The following CREBBP variants were observed in gnomAD, a reference collection of about 807,000 sequenced individuals.
CREBBP encodes the protein CREB binding lysine acetyltransferase.
Under a neutral mutation model 265.0 loss-of-function variants are expected in CREBBP, and 19 were observed. That is an observed-to-expected ratio of 0.07 (90% CI 0.05 to 0.11). The LOEUF (loss-of-function observed/expected upper bound fraction) is 0.11. Ranked by LOEUF, CREBBP falls within the 10% of genes least tolerant of loss-of-function variation. The probability of loss-of-function intolerance (pLI) is 1.00; values close to 1 mark genes in which losing one functional copy is unlikely to be tolerated. For missense variants in CREBBP, 2,525 were observed against 3,219.0 expected (o/e 0.78, Z 5.22); for synonymous variants, 1,457 against 1,223.7 (o/e 1.19, Z -3.98).
At chr16:3,749,020 G>A (rs1397033613) in intron 21 of CREBBP, among the ~76,000 whole-genome samples, 2 of 152,152 alleles carry the variant, frequency 1.3e-5, no homozygotes, top group Non-Finnish European at 2.9e-5. Flanking sequence ...GGTGGTGGGC[G>A]CCTGTAGTCC....
At position 3,727,689 on chromosome 16, in the gene CREBBP, G is replaced by GA. The variant is rs142721165; in HGVS notation, c.*28dup. 1.9e-5 allele frequency: 31 copies of GA among 1,613,688 alleles called. No homozygotes were observed. Among genetic ancestry groups the GA allele is most frequent in the Non-Finnish European group, 2.5e-5 (29 of 1,179,988 alleles). ...TTCAGTACAAAAGGTCCAAGAACAT[G>GA]AAAGGGAAAAGGTGATGCTCTCACA... On this transcript the variant is annotated 3_prime_UTR_variant, in exon 31 of 31. Transcript: ENST00000262367.
intron 2 of CREBBP, among the ~76,000 whole-genome samples, chr16:3,844,311 A>G (rs1335788575): frequency 1.3e-5 from 2 of 152,212 alleles, no homozygotes; most frequent in Non-Finnish European, 2.9e-5. Flanking sequence ...ATTAAAACTC[A>G]GCATTAACTT....
rs2051784533 is a variant in CREBBP, at chr16:3,727,768, C to T, written c.7279G>A (p.Val2427Ile). 2.5e-6 allele frequency: 4 copies of T among 1,614,016 alleles called. No individual in the cohort carries two copies. Among genetic ancestry groups the T allele is most frequent in the Non-Finnish European group, 3.4e-6 (4 of 1,180,040 alleles). ...AGCGTGTCCCCCGTGGTGTCCCCGA[C>T]CAGGGACAGTTCGCTGGACAGCGCA... The part of the protein sequence containing the change: ...RSALSSELSL[V>I]GDTTGDTLEK... Residue 2427 changes from valine (V) to isoleucine (I), a missense_variant, in exon 31 of 31, where the codon GTC becomes ATC. Transcript: ENST00000262367.
At chr16:3,821,749 G>C (rs2054144708) in intron 2 of CREBBP, among the ~76,000 whole-genome samples, 1 of 152,204 alleles carries the variant, frequency 6.6e-6, no homozygotes, top group Non-Finnish European at 1.5e-5. Flanking sequence ...CTGAATCTTG[G>C]CTGGGCGTGG....
At chr16:3,763,815 G>C (rs1434874687) in intron 16 of CREBBP, among the ~76,000 whole-genome samples, 2 of 150,454 alleles carry the variant, frequency 1.3e-5, no homozygotes, top group Non-Finnish European at 2.9e-5. Flanking sequence ...CACTATGTTG[G>C]ACATCTGCAC....
chr16:3,851,888 A>G (rs2054848390), intron 1 of CREBBP, among the ~76,000 whole-genome samples: 1 of 133,656 alleles, frequency 7.5e-6, no homozygotes, highest in Non-Finnish European at 1.6e-5. Flanking sequence ...AAGACAAAAC[A>G]TTAGCCGGGC....
chr16:3,744,848 T>C, intron 23 of CREBBP, 46 bp downstream of exon 23: 1 of 1,416,844 alleles, frequency 7.1e-7, no homozygotes, highest in Non-Finnish European at 1.0e-6. Context: ...TTCTACAAGT[T>C]TCTAAAATGT....
rs1251027659 is a variant in CREBBP, at chr16:3,728,809, G to T, written c.6238C>A (p.Pro2080Thr). 1 of 1,613,694 alleles carries T rather than the reference G, an allele frequency of 6.2e-7. No individual in the cohort carries two copies. The highest frequency in any genetic ancestry group is 1.7e-5 in the Admixed American group (1 of 60,032). ...TTCAGCACCTGCTGTTGCTGCTGAG[G>T]GGAGCTGGGCGACTTCAGGGTCCGC... ...LLRTLKSPSS[P>T]QQQQQVLNIL... is the part of the protein sequence containing the mutation. Residue 2080 changes from proline (P) to threonine (T), a missense_variant, in exon 31 of 31, where the codon CCT becomes ACT. Transcript: ENST00000262367. This position sits in a 1 kb window ranked among gnomAD's most constrained non-coding sequence, Gnocchi z 8.7.
At chr16:3,789,709 T>TA (rs113579931) in intron 5 of CREBBP, among the ~76,000 whole-genome samples, 4,573 of 151,196 alleles carry the variant, frequency 0.03, 216 homozygotes, top group African/African-American at 0.1. Context: ...CATACTTTTG[T>TA]AAAAAAAAAC....
chr16:3,749,553 C>T lies in CREBBP; in HGVS notation c.3836+74G>A. On this transcript the variant is annotated intron_variant, in intron 21 of 30. Coordinates refer to ENST00000262367, the MANE Select transcript of CREBBP (RefSeq NM_004380.3). ...ATATTTCCAATGTTTTTACCCACAA[C>T]CCACTCCATAAGGAGTAACTTTACC... The T allele has an allele frequency of 3.1e-6, 3 of 973,256 alleles. No homozygotes were observed. In the South Asian group the frequency reaches 4.2e-5, roughly 13 times the overall value. The allele number at this position is 973,256 out of a possible 1,614,324, so 60.3% of individuals were successfully genotyped here.
chr16:3,733,895 G>T (rs1255189096), intron 28 of CREBBP, among the ~76,000 whole-genome samples: 1 of 152,210 alleles, frequency 6.6e-6, no homozygotes, highest in East Asian at 1.9e-4. Context: ...ACCTGCCTTG[G>T]CCTCTCAAAG....
In CREBBP at chr16:3,726,684, C is replaced by T. The variant is rs993320256; in HGVS notation, c.*1034G>A. 8 of 233,362 alleles carry T rather than the reference C, an allele frequency of 3.4e-5. No homozygotes were observed. Among genetic ancestry groups the T allele is most frequent in the Non-Finnish European group, 6.8e-5 (8 of 117,992 alleles). 14.5% of individuals were successfully genotyped at this position (233,362 alleles called of 1,614,324 possible). On this transcript the variant is annotated 3_prime_UTR_variant, in exon 31 of 31. Transcript: ENST00000262367. The stretch of plus-strand genomic sequence containing the variant: ...CTCAGTAATTTATATCAATTTTAAG[C>T]GGTACTTTATATACAATGGGGAAAA...
chr16:3,798,815 T>G (rs1414885817), intron 3 of CREBBP, among the ~76,000 whole-genome samples: 1 of 152,230 alleles, frequency 6.6e-6, no homozygotes, highest in Non-Finnish European at 1.5e-5. Context: ...ACATGACCTC[T>G]GCAATTCCTA....
At chr16:3,814,215 CTGTGTGTGTGTGTGTGTG>C (rs6145729) in intron 2 of CREBBP, among the ~76,000 whole-genome samples, 1,632 of 104,048 alleles carry the variant, frequency 0.016, 25 homozygotes, top group African/African-American at 0.033. Flanking sequence ...GAGTCTCGTT[CTGTGTGTGTGTGTGTGTG>C]TGTGTGTGTG....
intron 3 of CREBBP, among the ~76,000 whole-genome samples, chr16:3,794,435 C>A (rs907646246): frequency 2.7e-5 from 4 of 149,778 alleles, no homozygotes; most frequent in Non-Finnish European, 5.9e-5. Context: ...TCAGAGCCAC[C>A]TTTTGGATTT....
At chr16:3,762,110 G>A (rs969676548) in intron 16 of CREBBP, among the ~76,000 whole-genome samples, 3 of 152,160 alleles carry the variant, frequency 2.0e-5, no homozygotes, top group South Asian at 2.1e-4. Context: ...GTGCTCATTC[G>A]TTTATATAGG....
intron 2 of CREBBP, among the ~76,000 whole-genome samples, chr16:3,819,157 C>A (rs563407157): frequency 6.6e-6 from 1 of 152,366 alleles, no homozygotes; most frequent in South Asian, 2.1e-4. Context: ...TGGAACACAG[C>A]CACAAATACA....
At chr16:3,838,911 C>T (rs1331260507) in intron 2 of CREBBP, among the ~76,000 whole-genome samples, 2 of 152,172 alleles carry the variant, frequency 1.3e-5, no homozygotes, top group African/African-American at 2.4e-5. Context: ...ATTATCACTT[C>T]AAATGTTGTG....
At chr16:3,816,101 T>C (rs2054032248) in intron 2 of CREBBP, among the ~76,000 whole-genome samples, 1 of 152,196 alleles carries the variant, frequency 6.6e-6, no homozygotes, top group African/African-American at 2.4e-5. Context: ...CCTTTAAGCA[T>C]TTAATTCAAG....
Sources: gnomAD v4.1 joint callset for allele counts (sites outside exome capture counted in the v4.1 genomes callset) on GRCh38, gnomAD v4.1.1 for gene constraint, Gnocchi (gnomAD v3.1) non-coding constraint, MANE v1.5 for transcripts, NCBI Gene and HGNC (gene_info 2026-07-23, HGNC 2026-07-21) for gene names.